Variants in LAMA3 observed in about 807,000 individuals in gnomAD.
LAMA3 encodes laminin subunit alpha-3.
Under a neutral mutation model 402.0 loss-of-function variants are expected in LAMA3, and 281 were observed. The observed-to-expected ratio is 0.70, with a 90% CI of 0.63 to 0.77. The LOEUF (loss-of-function observed/expected upper bound fraction) is 0.77, where lower values mean the gene tolerates loss of function less well. Among genes scored for constraint, LAMA3 ranks in the 30% least tolerant of loss-of-function variants. The pLI is 0.00. For missense variants in LAMA3, 3,840 were observed against 4,215.5 expected, an observed-to-expected ratio of 0.91 and a Z score of 2.47; for synonymous variants, 1,431 against 1,558.4, an observed-to-expected ratio of 0.92 and a Z score of 1.93.
chr18:23,865,501 C>A (rs2064334307), intron 36 of LAMA3, among the ~76,000 whole-genome samples: 1 of 152,108 alleles, frequency 6.6e-6, no homozygotes, highest in East Asian at 1.9e-4. Flanking sequence ...TGAATCCTTA[C>A]CACGGGGCAA....
intron 35 of LAMA3, among the ~76,000 whole-genome samples, chr18:23,863,854 G>A (rs1165904384): frequency 6.6e-6 from 1 of 152,200 alleles, no homozygotes; most frequent in Admixed American, 6.5e-5. Flanking sequence ...GACCCAAGGT[G>A]TGAAGTAGCT....
intron 35 of LAMA3, 62 bp downstream of exon 35, chr18:23,861,869 T>C (rs2064233010): frequency 9.3e-6 from 14 of 1,504,302 alleles, no homozygotes; most frequent in Middle Eastern, 2.2e-4. Context: ...TGCATGAGCA[T>C]CATTTCCTGG....
In LAMA3 at chr18:23,884,846, T is replaced by C. The variant is rs2065018137; in HGVS notation, c.5296T>C (p.Cys1766Arg). The change falls in exon 41 of 75, where the codon TGT becomes CGT. Residue 1766 changes from cysteine (C) to arginine (R), a missense_variant. Cys to Arg is a radical substitution (Grantham distance 180). Transcript: ENST00000313654. ...CAAAGCTGGGTACACAGGAACACAG[T>C]GTGAAAGGTAAGGTGGGCGCCCCTC... is the stretch of plus-strand genomic sequence containing the variant. ...SCKAGYTGTQ[C>R]ERCAPGYFGN... 6.2e-7 allele frequency: 1 copy of C among 1,608,892 alleles called. No homozygotes were observed. Among genetic ancestry groups the C allele is most frequent in the Non-Finnish European group, 8.5e-7 (1 of 1,177,308 alleles).
intron 2 of LAMA3, among the ~76,000 whole-genome samples, chr18:23,728,866 A>G (rs1419776686): frequency 2.0e-5 from 3 of 152,000 alleles, no homozygotes; most frequent in Non-Finnish European, 4.4e-5. Flanking sequence ...CTCTGTCTCT[A>G]CTAAAAATAC....
Position 23,914,263 on chromosome 18 carries a change from T to C in LAMA3, c.7330-147T>C. On this transcript the variant is annotated intron_variant, in intron 56 of 74. Transcript: ENST00000313654. Reference sequence around the variant, plus strand: ...ATTAATTCTGCATTCTATATTATTCTATAAAATATTGCACCTTGTTTATTC... The same window carrying C: ...ATTAATTCTGCATTCTATATTATTCCATAAAATATTGCACCTTGTTTATTC... 5.2e-6 allele frequency: 4 copies of C among 772,196 alleles called. No homozygotes were observed. The East Asian group carries it at 1.1e-4, about 21-fold the overall frequency. The allele number at this position is 772,196 out of a possible 1,614,324, so 47.8% of individuals were successfully genotyped here.
At chr18:23,849,982 G>A (rs571990017) in intron 32 of LAMA3, among the ~76,000 whole-genome samples, 41 of 152,198 alleles carry the variant, frequency 2.7e-4, no homozygotes, top group Admixed American at 1.0e-3. Context: ...TGTAAATGCT[G>A]AAAAAGCTTT....
At chr18:23,700,332 A>G (rs916408355) in intron 1 of LAMA3, among the ~76,000 whole-genome samples, 1 of 152,136 alleles carries the variant, frequency 6.6e-6, no homozygotes, top group African/African-American at 2.4e-5. Context: ...CACTACACAT[A>G]GGGAACAGGA....
At chr18:23,753,944 T>TG in intron 6 of LAMA3, 132 bp downstream of exon 6, 2 of 722,164 alleles carry the variant, frequency 2.8e-6, no homozygotes, top group Admixed American at 2.0e-5. Flanking sequence ...AATGAATAGG[T>TG]GGGGGGTGTG....
intron 24 of LAMA3, among the ~76,000 whole-genome samples, chr18:23,835,168 G>A (rs548781985): frequency 6.6e-5 from 10 of 152,290 alleles, no homozygotes; most frequent in South Asian, 2.1e-4. Context: ...ACTGTTAGCC[G>A]CAGGGCCTGG....
intron 27 of LAMA3, among the ~76,000 whole-genome samples, chr18:23,840,559 T>A (rs968645718): frequency 7.2e-5 from 11 of 151,902 alleles, no homozygotes; most frequent in African/African-American, 1.5e-4. Context: ...ATTTTTTTTT[T>A]AAATTTCTGT....
chr18:23,758,315 G>A (rs1167186252), intron 6 of LAMA3, 81 bp from the exon 7 acceptor site: 2 of 941,396 alleles, frequency 2.1e-6, no homozygotes, highest in African/African-American at 1.6e-5. Flanking sequence ...GATGACTCGT[G>A]TGTCAGGTTC....
intron 6 of LAMA3, among the ~76,000 whole-genome samples, chr18:23,755,184 A>T (rs954024057): frequency 3.9e-5 from 6 of 152,224 alleles, no homozygotes; most frequent in African/African-American, 1.4e-4. Flanking sequence ...AGGTCCAGCT[A>T]ATGTCCCTGA....
chr18:23,726,021 G>A (rs965347401), intron 2 of LAMA3, among the ~76,000 whole-genome samples: 4 of 152,184 alleles, frequency 2.6e-5, no homozygotes, highest in Admixed American at 6.5e-5. Flanking sequence ...TAACCAGCAT[G>A]GAACATTCAG....
At chr18:23,786,808 A>G (rs2062553955) in intron 12 of LAMA3, among the ~76,000 whole-genome samples, 2 of 152,244 alleles carry the variant, frequency 1.3e-5, no homozygotes, top group South Asian at 4.1e-4. Context: ...AAAGAGATAG[A>G]AATTGTTTTA....
At chr18:23,935,898 G>A (rs2082299996) in intron 67 of LAMA3, among the ~76,000 whole-genome samples, 1 of 152,022 alleles carries the variant, frequency 6.6e-6, no homozygotes, top group African/African-American at 2.4e-5. Context: ...CCCAGGAACT[G>A]GGTCTGGAGT....
intron 66 of LAMA3, among the ~76,000 whole-genome samples, chr18:23,933,326 T>C (rs1484952214): frequency 2.0e-5 from 3 of 152,084 alleles, no homozygotes; most frequent in African/African-American, 4.8e-5. Context: ...CTTCTAGAGG[T>C]GATATTAAAG....
intron 49 of LAMA3, 47 bp downstream of exon 49, chr18:23,903,172 T>C (rs781511278): frequency 1.7e-6 from 2 of 1,180,494 alleles, no homozygotes; most frequent in South Asian, 2.4e-5. Context: ...ACATTTTAAT[T>C]ATATTGTGAG....
chr18:23,837,159 A>T (rs2063599931), intron 25 of LAMA3, 70 bp downstream of exon 25: 1 of 1,094,552 alleles, frequency 9.1e-7, no homozygotes, highest in African/African-American at 1.6e-5. Context: ...GAAGCTTATT[A>T]AAATTTTGGC....
intron 25 of LAMA3, among the ~76,000 whole-genome samples, chr18:23,837,997 G>A (rs2063621039): frequency 6.6e-6 from 1 of 152,078 alleles, no homozygotes; most frequent in South Asian, 2.1e-4. Flanking sequence ...TTCATCTTTA[G>A]AAATTATAAT....
Sources: allele counts gnomAD v4.1 joint callset (sites outside exome capture counted in the v4.1 genomes callset), GRCh38; gene constraint gnomAD v4.1.1; transcripts MANE v1.5; gene names NCBI Gene and HGNC (gene_info 2026-07-23, HGNC 2026-07-21).